The following ADAMTS2 variants were observed in gnomAD, a reference collection of about 807,000 sequenced individuals.
ADAMTS2 encodes A disintegrin and metalloproteinase with thrombospondin motifs 2.
In ADAMTS2, 50 loss-of-function variants were observed where a neutral mutation model predicts 123.0. The observed-to-expected ratio is 0.41, with a 90% CI of 0.32 to 0.51. The LOEUF (loss-of-function observed/expected upper bound fraction) is 0.51, where lower values mean the gene tolerates loss of function less well. Among genes scored for constraint, ADAMTS2 ranks in the 20% least tolerant of loss-of-function variants. ADAMTS2 has a pLI of 0.35. For synonymous variants in ADAMTS2, 678 were observed against 695.4 expected, an observed-to-expected ratio of 0.98 and a Z score of 0.39; for missense variants, 1,494 against 1,705.2, an observed-to-expected ratio of 0.88 and a Z score of 2.18.
At chr5:179,223,101 T>A (rs1561813794) in intron 3 of ADAMTS2, among the ~76,000 whole-genome samples, 1 of 152,270 alleles carries the variant, frequency 6.6e-6, no homozygotes, top group Non-Finnish European at 1.5e-5. Flanking sequence ...TCATTGTTCA[T>A]TCACTCGTCA....
intron 4 of ADAMTS2, 28 bp downstream of exon 4, chr5:179,207,485 A>AC: frequency 2.0e-5 from 12 of 586,890 alleles, no homozygotes; most frequent in South Asian, 6.2e-5. Context: ...TCCCCGCCCC[A>AC]CCCTGCCCCC....
chr5:179,236,545 C>T (rs1228108343), intron 3 of ADAMTS2, among the ~76,000 whole-genome samples: 1 of 152,154 alleles, frequency 6.6e-6, no homozygotes, highest in African/African-American at 2.4e-5. Flanking sequence ...AATCCCAGCC[C>T]TTTGGAAGTC....
chr5:179,341,907 A>AC (rs968324456), intron 2 of ADAMTS2, among the ~76,000 whole-genome samples: 7 of 152,044 alleles, frequency 4.6e-5, no homozygotes, highest in African/African-American at 1.7e-4. Context: ...CACACCTGGT[A>AC]CCTCTGCACA....
chr5:179,126,339 A>C (rs1486514750), intron 17 of ADAMTS2, among the ~76,000 whole-genome samples: 3 of 152,002 alleles, frequency 2.0e-5, no homozygotes, highest in African/African-American at 7.2e-5. Flanking sequence ...AGGAGAGGCC[A>C]TTTTCTCCCC....
At chr5:179,145,307 A>C (rs975061778) in intron 10 of ADAMTS2, among the ~76,000 whole-genome samples, 6 of 152,214 alleles carry the variant, frequency 3.9e-5, no homozygotes, top group Non-Finnish European at 7.3e-5. Flanking sequence ...CTGCTTTGGG[A>C]AACTGGCAGT....
intron 3 of ADAMTS2, among the ~76,000 whole-genome samples, chr5:179,267,188 A>G (rs1766396922): frequency 6.6e-6 from 1 of 152,128 alleles, no homozygotes; most frequent in Non-Finnish European, 1.5e-5. Context: ...CTCAAGGCAA[A>G]GTCACAGGGT....
chr5:179,204,786 A>AC (rs1764640054), intron 4 of ADAMTS2, among the ~76,000 whole-genome samples: 1 of 151,482 alleles, frequency 6.6e-6, no homozygotes, highest in Admixed American at 6.6e-5. Context: ...AGAGGCAGAG[A>AC]CCCCCCGCTG....
At chr5:179,254,518 T>C (rs1765999893) in intron 3 of ADAMTS2, among the ~76,000 whole-genome samples, 1 of 152,178 alleles carries the variant, frequency 6.6e-6, no homozygotes, top group Non-Finnish European at 1.5e-5. Context: ...TACTCATATG[T>C]ATTATAGTCC....
Position 179,155,756 on chromosome 5 carries a change from G to A in ADAMTS2, c.1133-837C>T, listed in dbSNP as rs986889449. Among the ~76,000 whole-genome samples the A allele has an allele frequency of 1.3e-5, 2 of 152,138 alleles. No individual in the cohort carries two copies. The highest frequency in any genetic ancestry group is 2.9e-5 in the Non-Finnish European group (2 of 68,036). ...TACAGGGCTATGGGTGCCACACGAG[G>A]TCTCTGCTTGTACCCCTGGGAGTCT... On this transcript the variant is annotated intron_variant, in intron 6 of 21. Coordinates refer to ENST00000251582, the MANE Select transcript of ADAMTS2 (RefSeq NM_014244.5). The surrounding 1 kb of genome is among the most constrained non-coding windows in gnomAD (Gnocchi z 5.1).
chr5:179,345,081 G>GGAC lies in ADAMTS2; in HGVS notation c.139+108_139+109insGTC. The GGAC allele has an allele frequency of 1.2e-6, 1 of 867,214 alleles. No individual in the cohort carries two copies. The highest frequency in any genetic ancestry group is 1.4e-6 in the Non-Finnish European group (1 of 710,870). The allele number at this position is 867,214 out of a possible 1,614,324, so 53.7% of individuals were successfully genotyped here. A position where few individuals can be genotyped will look rare whatever the true frequency, so the allele number is the denominator to read the frequency against. ...AACTTGGCCCCGGGCGGGGCGCGCG[G>GGAC]AGTTTGCCCAAGTCAGGCTGGACGA... On this transcript the variant is annotated intron_variant, in intron 1 of 21. Coordinates refer to ENST00000251582, the MANE Select transcript of ADAMTS2 (RefSeq NM_014244.5). The surrounding 1 kb of genome is among the most constrained non-coding windows in gnomAD (Gnocchi z 7.5).
chr5:179,201,987 T>C (rs1764578004), intron 4 of ADAMTS2, among the ~76,000 whole-genome samples: 1 of 152,296 alleles, frequency 6.6e-6, no homozygotes, highest in African/African-American at 2.4e-5. Flanking sequence ...GGTGGCCTCA[T>C]GAAGTGCTCC....
intron 3 of ADAMTS2, among the ~76,000 whole-genome samples, chr5:179,221,679 G>C (rs1275524422): frequency 1.3e-5 from 2 of 152,128 alleles, no homozygotes; most frequent in Admixed American, 1.3e-4. Context: ...CCCCATGTGG[G>C]CGGGCAGCAG....
At chr5:179,216,583 C>A (rs1435058043) in intron 3 of ADAMTS2, among the ~76,000 whole-genome samples, 3 of 152,336 alleles carry the variant, frequency 2.0e-5, no homozygotes, top group African/African-American at 7.2e-5. Flanking sequence ...TTCCTCGAGA[C>A]CTTGCTCACG....
chr5:179,137,644 G>A, intron 12 of ADAMTS2, 125 bp downstream of exon 12: 2 of 1,334,928 alleles, frequency 1.5e-6, no homozygotes, highest in South Asian at 1.3e-5. Context: ...GCCAGGGTGG[G>A]CTCTCCTGCC....
intron 5 of ADAMTS2, among the ~76,000 whole-genome samples, chr5:179,168,482 C>A (rs4701067): frequency 2.0e-5 from 3 of 151,834 alleles, no homozygotes; most frequent in African/African-American, 4.8e-5. Flanking sequence ...ATGATCACAG[C>A]GCCTACTCCA....
chr5:179,312,879 T>C lies in ADAMTS2; in HGVS notation c.534+30888A>G, dbSNP rs1469345305. ...GAACCGTGAGAGGATACAATTCTAA[T>C]GTTTCAAACCAGCAAGCTTGTAGTA... On this transcript the variant is annotated intron_variant, in intron 2 of 21. Coordinates refer to ENST00000251582, the MANE Select transcript of ADAMTS2 (RefSeq NM_014244.5). This position sits in a 1 kb window ranked among gnomAD's most constrained non-coding sequence, Gnocchi z 4.2. Among the ~76,000 whole-genome samples, 1 of 152,254 alleles carries C rather than the reference T, an allele frequency of 6.6e-6. No individual in the cohort carries two copies. Among genetic ancestry groups the C allele is most frequent in the Non-Finnish European group, 1.5e-5 (1 of 68,042 alleles).
At chr5:179,131,409 GATAAA>G (rs1288853703) in intron 15 of ADAMTS2, among the ~76,000 whole-genome samples, 1 of 151,918 alleles carries the variant, frequency 6.6e-6, no homozygotes, top group African/African-American at 2.4e-5. Context: ...ACAAAAGGGA[GATAAA>G]ATAAAAGGGC....
intron 9 of ADAMTS2, 116 bp downstream of exon 9, chr5:179,153,375 G>A (rs1233046017): frequency 8.7e-6 from 13 of 1,501,538 alleles, no homozygotes; most frequent in Admixed American, 1.8e-5. Context: ...ACTCTGGAGG[G>A]CCGCTCTGCC....
In ADAMTS2 at chr5:179,162,391, G is replaced by A. The variant is rs1763608929; in HGVS notation, c.976-3512C>T. On this transcript the variant is annotated intron_variant, in intron 5 of 21. Transcript: ENST00000251582. This position sits in a 1 kb window ranked among gnomAD's most constrained non-coding sequence, Gnocchi z 5.1. ...GGCCTGCAGCGGCTGGAGCCCCCCT[G>A]CACTACAGGAGACCCCCCACCAAGG... Among the ~76,000 whole-genome samples, 1 of 152,146 alleles carries A rather than the reference G, an allele frequency of 6.6e-6. No homozygotes were observed. The highest frequency in any genetic ancestry group is 1.5e-5 in the Non-Finnish European group (1 of 68,028).
Sources: gnomAD v4.1 joint callset for allele counts (sites outside exome capture counted in the v4.1 genomes callset) on GRCh38, gnomAD v4.1.1 for gene constraint, Gnocchi (gnomAD v3.1) non-coding constraint, MANE v1.5 for transcripts, NCBI Gene and HGNC (gene_info 2026-07-23, HGNC 2026-07-21) for gene names.